PTPRK: variants seen among roughly 807,000 people sequenced by gnomAD.
The protein encoded by PTPRK is receptor-type tyrosine-protein phosphatase kappa.
A neutral mutation model predicts 178.0 loss-of-function variants in PTPRK; 75 were observed. That is an observed-to-expected ratio of 0.42 (90% CI 0.35 to 0.51). The LOEUF (loss-of-function observed/expected upper bound fraction) is 0.51, where lower values mean the gene tolerates loss of function less well. PTPRK is among the 20% of genes least tolerant of loss of function. The probability of loss-of-function intolerance (pLI) is 0.02; values close to 1 mark genes in which losing one functional copy is unlikely to be tolerated. For synonymous variants in PTPRK, 637 were observed against 620.6 expected, an observed-to-expected ratio of 1.03 and a Z score of -0.39; for missense variants, 1,441 against 1,797.8, an observed-to-expected ratio of 0.80 and a Z score of 3.59.
At chr6:128,417,541 T>G (rs1842982282) in intron 1 of PTPRK, among the ~76,000 whole-genome samples, 2 of 152,188 alleles carry the variant, frequency 1.3e-5, no homozygotes, top group African/African-American at 4.8e-5. Flanking sequence ...ACAGATCACT[T>G]TAATACAAGA....
rs144996188 is a variant in PTPRK, at chr6:128,307,779, A to T, written c.495+14260T>A. Among the ~76,000 whole-genome samples, 1,428 of 152,304 alleles carry T rather than the reference A, an allele frequency of 9.4e-3. 6 individuals carry two copies. The highest frequency in any genetic ancestry group is 0.027 in the Middle Eastern group (8 of 294). ...ATATTATCTTTACCTAATAGGAAAA[A>T]TAATCTGAAAATGTGCAAATAAATA... On this transcript the variant is annotated intron_variant, in intron 3 of 29. Transcript: ENST00000368226.
At chr6:128,502,039 T>C (rs1188089315) in intron 1 of PTPRK, among the ~76,000 whole-genome samples, 2 of 152,196 alleles carry the variant, frequency 1.3e-5, no homozygotes, top group Non-Finnish European at 2.9e-5. Context: ...TGGGTGCTCT[T>C]GTGAGCCACG....
intron 13 of PTPRK, among the ~76,000 whole-genome samples, chr6:128,050,470 G>A (rs1778816689): frequency 6.6e-6 from 1 of 152,152 alleles, no homozygotes; most frequent in African/African-American, 2.4e-5. Flanking sequence ...CTCCATTCTT[G>A]AAGCATATCT....
intron 15 of PTPRK, among the ~76,000 whole-genome samples, chr6:128,002,393 G>T (rs1037399845): frequency 6.6e-6 from 1 of 151,684 alleles, no homozygotes; most frequent in Admixed American, 6.6e-5. Flanking sequence ...AACTAGAAAC[G>T]CTGGTAAAAT....
intron 2 of PTPRK, among the ~76,000 whole-genome samples, chr6:128,368,673 G>C (rs1465660288): frequency 2.6e-5 from 4 of 152,048 alleles, no homozygotes; most frequent in African/African-American, 9.7e-5. Context: ...TGAGGGGTGA[G>C]CCATGACAAT....
chr6:128,032,458 C>T (rs2024559), intron 13 of PTPRK, among the ~76,000 whole-genome samples: 1,668 of 152,240 alleles, frequency 0.011, 15 homozygotes, highest in South Asian at 0.025. Flanking sequence ...AGCTTCAGCT[C>T]GCCACACTTC....
chr6:128,171,222 A>G (rs994387246), intron 7 of PTPRK, among the ~76,000 whole-genome samples: 1 of 152,002 alleles, frequency 6.6e-6, no homozygotes, highest in Admixed American at 6.6e-5. Flanking sequence ...GCATGTCACA[A>G]CCTACTTACA....
intron 7 of PTPRK, among the ~76,000 whole-genome samples, chr6:128,147,927 G>C (rs1796717885): frequency 6.6e-6 from 1 of 152,044 alleles, no homozygotes; most frequent in African/African-American, 2.4e-5. Context: ...AAAATGTACA[G>C]ATTCTTTCTT....
In PTPRK at chr6:128,382,476, C is replaced by T. The variant is rs945982557; in HGVS notation, c.223+15090G>A. 9.6e-5 allele frequency among the ~76,000 whole-genome samples: 14 copies of T among 146,350 alleles called. No individual in the cohort carries two copies. In the East Asian group the frequency reaches 2.4e-3, roughly 25 times the overall value. Reference sequence around the variant, plus strand: ...AGGCTGGAGTGCAGTGGTGTGATCTCGGCTAACTGCAATCTCTGCCTCCCG... The same window carrying T: ...AGGCTGGAGTGCAGTGGTGTGATCTTGGCTAACTGCAATCTCTGCCTCCCG... On this transcript the variant is annotated intron_variant, in intron 2 of 29. Coordinates refer to ENST00000368226, the MANE Select transcript of PTPRK (RefSeq NM_002844.4).
rs113584691 is a variant in PTPRK at position 128,079,177 on chromosome 6, GAA to G, written c.1778-261_1778-260del. On this transcript the variant is annotated intron_variant, in intron 10 of 29. Transcript: ENST00000368226. ...ATGACACACATTCCAAATATTTTGT[GAA>G]GATGCTTTCCTTTTAGTTTCCTGAG... Among the ~76,000 whole-genome samples the G allele has an allele frequency of 3.5e-3, 530 of 151,508 alleles. 4 individuals are homozygous for G. Among genetic ancestry groups the G allele is most frequent in the African/African-American group, 0.012 (491 of 40,950 alleles).
At chr6:128,314,058 C>T (rs1584097041) in intron 3 of PTPRK, among the ~76,000 whole-genome samples, 1 of 152,040 alleles carries the variant, frequency 6.6e-6, no homozygotes. Context: ...ATATTTAGGT[C>T]CTTGGTTTTT....
rs555362077 is a variant in PTPRK, at chr6:128,234,802, T to C, written c.693+5233A>G. Among the ~76,000 whole-genome samples, 11 of 152,320 alleles carry C rather than the reference T, an allele frequency of 7.2e-5. 1 individual carries two copies. In the East Asian group the frequency reaches 1.9e-3, roughly 27 times the overall value. On this transcript the variant is annotated intron_variant, in intron 5 of 29. Coordinates refer to ENST00000368226, the MANE Select transcript of PTPRK (RefSeq NM_002844.4). ...TATAGGCATTCTTGTACAAGTCTTT[T>C]TGTGGGCACATGTCTTAATTTCTCT...
intron 1 of PTPRK, among the ~76,000 whole-genome samples, chr6:128,411,673 G>C (rs1442454232): frequency 6.6e-6 from 1 of 152,132 alleles, no homozygotes; most frequent in Non-Finnish European, 1.5e-5. Context: ...TATTTGGTCA[G>C]AACACAAATG....
chr6:128,332,478 C>G (rs1300214670), intron 2 of PTPRK, among the ~76,000 whole-genome samples: 1 of 152,200 alleles, frequency 6.6e-6, no homozygotes, highest in African/African-American at 2.4e-5. Context: ...AATGAGACTA[C>G]CTCCATGATG....
intron 5 of PTPRK, 66 bp downstream of exon 5, chr6:128,239,969 A>G (rs1261188910): frequency 2.4e-6 from 3 of 1,227,602 alleles, no homozygotes; most frequent in Non-Finnish European, 2.4e-6. Flanking sequence ...GACAACAAAC[A>G]GTCCTGTTGC....
chr6:128,174,462 C>T (rs996508887), intron 7 of PTPRK, among the ~76,000 whole-genome samples: 1 of 151,734 alleles, frequency 6.6e-6, no homozygotes, highest in African/African-American at 2.4e-5. Context: ...TAAATAACCT[C>T]AAGAATAGAA....
intron 6 of PTPRK, among the ~76,000 whole-genome samples, chr6:128,196,208 T>C (rs1804831732): frequency 6.6e-6 from 1 of 152,088 alleles, no homozygotes. Flanking sequence ...AGCAGATCTA[T>C]CAATATGGTT....
At chr6:128,443,905 T>C (rs1462118890) in intron 1 of PTPRK, among the ~76,000 whole-genome samples, 2 of 151,974 alleles carry the variant, frequency 1.3e-5, no homozygotes, top group African/African-American at 2.4e-5. Flanking sequence ...CAAGCTGGAG[T>C]GCACTGGCAC....
chr6:128,030,496 A>T (rs1775128406), intron 13 of PTPRK, among the ~76,000 whole-genome samples: 1 of 152,210 alleles, frequency 6.6e-6, no homozygotes, highest in African/African-American at 2.4e-5. Flanking sequence ...ACGGTCCTTA[A>T]AACCTGACTC....
Sources: gnomAD v4.1 joint callset for allele counts (sites outside exome capture counted in the v4.1 genomes callset) on GRCh38, gnomAD v4.1.1 for gene constraint, MANE v1.5 for transcripts, NCBI Gene and HGNC (gene_info 2026-07-23, HGNC 2026-07-21) for gene names.